ORC4: variants seen among roughly 807,000 people sequenced by gnomAD.
ORC4 encodes the protein origin recognition complex, subunit 4 homolog.
A neutral mutation model predicts 63.9 loss-of-function variants in ORC4; 55 were observed. That is an observed-to-expected ratio of 0.86 (90% confidence interval 0.69 to 1.08). The LOEUF is 1.08. Among genes scored for constraint, ORC4 ranks in the 50% least tolerant of loss-of-function variants. The pLI is 0.00. For synonymous variants in ORC4, 150 were observed against 168.5 expected (o/e 0.89, Z 0.85); for missense variants, 511 against 504.4 (o/e 1.01, Z -0.13).
At chr2:147,944,890 T>A (rs1329074228) in intron 9 of ORC4, among the ~76,000 whole-genome samples, 1 of 152,064 alleles carries the variant, frequency 6.6e-6, no homozygotes, top group Non-Finnish European at 1.5e-5. Flanking sequence ...GTTTCTAGTC[T>A]TCTCTTTGTA....
At chr2:147,973,801 G>A (rs1690366425) in intron 2 of ORC4, among the ~76,000 whole-genome samples, 1 of 152,120 alleles carries the variant, frequency 6.6e-6, no homozygotes, top group Admixed American at 6.6e-5. Flanking sequence ...AGCAACTTAA[G>A]GGCCATTGTA....
intron 10 of ORC4, among the ~76,000 whole-genome samples, chr2:147,939,550 C>T (rs1051869947): frequency 6.6e-6 from 1 of 152,044 alleles, no homozygotes; most frequent in Admixed American, 6.6e-5. Context: ...GGAGAAGAAA[C>T]TGAAAATAAT....
At chr2:148,009,427 T>C (rs1209812188) in intron 1 of ORC4, among the ~76,000 whole-genome samples, 1 of 152,152 alleles carries the variant, frequency 6.6e-6, no homozygotes, top group Non-Finnish European at 1.5e-5. Context: ...CAAGTAGCTT[T>C]GTATCTATTT....
At chr2:147,942,879 G>C (rs957479301) in intron 10 of ORC4, among the ~76,000 whole-genome samples, 2 of 151,990 alleles carry the variant, frequency 1.3e-5, no homozygotes, top group Admixed American at 6.6e-5. Flanking sequence ...GAATAAGTGA[G>C]TTCAGCATAG....
rs1171961058 is a variant in ORC4 at position 147,938,486 on chromosome 2, G to A, written c.959-93C>T. The A allele has an allele frequency of 1.2e-5, 9 of 771,324 alleles. No individual in the cohort carries two copies. In the East Asian group the frequency reaches 1.7e-4, roughly 15 times the overall value. 47.8% of individuals were successfully genotyped at this position (771,324 alleles called of 1,614,324 possible). A position where few individuals can be genotyped will look rare whatever the true frequency, so the allele number is the denominator to read the frequency against. ...GAATACAATATAGTGAAAGATCTAT[G>A]GTTCTGAGGGGTGAAGAAGGTCAAG... On this transcript the variant is annotated intron_variant, in intron 11 of 13. Transcript: ENST00000392857.
chr2:147,978,314 C>A (rs1291766944), intron 1 of ORC4, among the ~76,000 whole-genome samples: 1 of 152,180 alleles, frequency 6.6e-6, no homozygotes, highest in Non-Finnish European at 1.5e-5. Flanking sequence ...ATCCCCGATT[C>A]AGAGCTTTTT....
chr2:147,983,382 C>G (rs1300201208), intron 1 of ORC4, among the ~76,000 whole-genome samples: 1 of 152,140 alleles, frequency 6.6e-6, no homozygotes, highest in African/African-American at 2.4e-5. Context: ...TCAGGAAGTA[C>G]CCAGACAGTA....
At position 147,967,089 on chromosome 2, in the gene ORC4, T is replaced by G. The variant is rs1689936278; in HGVS notation, c.225+5650A>C. On this transcript the variant is annotated intron_variant, in intron 4 of 13. Coordinates refer to ENST00000392857, the MANE Select transcript of ORC4 (RefSeq NM_181741.4). Reference sequence around the variant, plus strand: ...CATCAATAGAATGGAGGCCAGAAACTATATCATCTCAATGGATGCAGAAAA... The same window carrying G: ...CATCAATAGAATGGAGGCCAGAAACGATATCATCTCAATGGATGCAGAAAA... Among the ~76,000 whole-genome samples, 3 of 151,860 alleles carry G rather than the reference T, an allele frequency of 2.0e-5. No homozygotes were observed. In the South Asian group the frequency reaches 6.2e-4, roughly 31 times the overall value.
rs1328840522 is a variant in ORC4, at chr2:147,938,153, A to G, written c.1115T>C (p.Val372Ala). 7 of 1,606,854 alleles carry G rather than the reference A, an allele frequency of 4.4e-6. No homozygotes were observed. Among genetic ancestry groups the G allele is most frequent in the Non-Finnish European group, 4.3e-6 (5 of 1,173,990 alleles). ...HSVYNFEKPVVMKAFEHLQQL... is the reference protein window; with the variant it reads ...HSVYNFEKPVAMKAFEHLQQL... The stretch of plus-strand genomic sequence containing the variant: ...CAGCAAACTAAATCTTACCTTCATG[A>G]CAACAGGTTTTTCAAAATTATAAAC... The change falls in exon 13 of 14, where the codon GTC becomes GCC. Residue 372 changes from valine (V) to alanine (A), a missense_variant. Transcript: ENST00000392857.
At chr2:147,987,634 A>G (rs1182745504) in intron 1 of ORC4, among the ~76,000 whole-genome samples, 1 of 152,120 alleles carries the variant, frequency 6.6e-6, no homozygotes, top group African/African-American at 2.4e-5. Flanking sequence ...AGGTGTGAAC[A>G]TGTCCGATTT....
rs187040170 is a variant in ORC4 at position 148,016,173 on chromosome 2, C to T, written c.-18+4460G>A. Among the ~76,000 whole-genome samples, 12 of 152,240 alleles carry T rather than the reference C, an allele frequency of 7.9e-5. No individual in the cohort carries two copies. The East Asian group carries it at 1.5e-3, about 20-fold the overall frequency. On this transcript the variant is annotated intron_variant, in intron 1 of 13. Transcript: ENST00000392857. ...TGTCTTCTCTTATTCTCCACAACAA[C>T]GAACCATTTCTCAATCGGACTGTGA... is the stretch of plus-strand genomic sequence containing the variant.
At chr2:148,007,938 G>A (rs1454242250) in intron 1 of ORC4, among the ~76,000 whole-genome samples, 1 of 152,104 alleles carries the variant, frequency 6.6e-6, no homozygotes, top group Non-Finnish European at 1.5e-5. Context: ...AGAAACCCTG[G>A]CAGGCCAGAA....
At chr2:147,996,720 T>C (rs1691998498) in intron 1 of ORC4, among the ~76,000 whole-genome samples, 1 of 152,190 alleles carries the variant, frequency 6.6e-6, no homozygotes, top group Admixed American at 6.5e-5. Flanking sequence ...ATTGCACACC[T>C]ATTACAATGG....
Position 147,935,095 on chromosome 2 carries a change from C to T in ORC4, c.*415G>A, listed in dbSNP as rs566585619. On this transcript the variant is annotated 3_prime_UTR_variant, in exon 14 of 14. Transcript: ENST00000392857. ...ATTTGCATGTGGACAGAAAAAAACA[C>T]TGCAGCAAACCTGCTGTACCAAAGG... is the stretch of plus-strand genomic sequence containing the variant. The T allele has an allele frequency of 6.2e-6, 1 of 160,668 alleles. No homozygotes were observed. The highest frequency in any genetic ancestry group is 6.1e-5 in the Admixed American group (1 of 16,416). The allele number at this position is 160,668 out of a possible 1,614,324, so 10.0% of individuals were successfully genotyped here. A position where few individuals can be genotyped will look rare whatever the true frequency, so the allele number is the denominator to read the frequency against.
intron 6 of ORC4, among the ~76,000 whole-genome samples, chr2:147,956,193 T>A (rs1311019510): frequency 1.3e-5 from 2 of 152,072 alleles, no homozygotes; most frequent in Non-Finnish European, 2.9e-5. Flanking sequence ...ACACACTTAT[T>A]CACTCTCCAG....
intron 1 of ORC4, among the ~76,000 whole-genome samples, chr2:148,017,220 T>A (rs1466506114): frequency 6.6e-6 from 1 of 152,158 alleles, no homozygotes; most frequent in Admixed American, 6.6e-5. Flanking sequence ...GAAAACAAGG[T>A]GAAATCAATT....
intron 1 of ORC4, among the ~76,000 whole-genome samples, chr2:147,987,382 G>GTATA (rs372437598): frequency 0.01 from 1,062 of 103,474 alleles, 3 homozygotes; most frequent in Non-Finnish European, 0.016. Flanking sequence ...GTGTGTGTGT[G>GTATA]TATATATATA....
At chr2:148,021,194 T>A (rs568810319), upstream of ORC4, 1 of 223,286 alleles carries the variant, frequency 4.5e-6, no homozygotes, top group East Asian at 1.3e-4. Context: ...AGGACACTAA[T>A]TCTACCCCAC....
intron 1 of ORC4, among the ~76,000 whole-genome samples, chr2:147,996,565 A>G (rs1025532493): frequency 2.6e-5 from 4 of 152,214 alleles, no homozygotes; most frequent in Non-Finnish European, 5.9e-5. Flanking sequence ...TATACAAAGA[A>G]CTCAACAAGG....
Sources: allele counts gnomAD v4.1 joint callset (sites outside exome capture counted in the v4.1 genomes callset), GRCh38; gene constraint gnomAD v4.1.1; transcripts MANE v1.5; gene names NCBI Gene and HGNC (gene_info 2026-07-23, HGNC 2026-07-21).